FRK: variants seen among roughly 807,000 people sequenced by gnomAD.
FRK encodes the protein tyrosine-protein kinase FRK.
Under a neutral mutation model 56.4 loss-of-function variants are expected in FRK, and 51 were observed. The observed-to-expected ratio is 0.90, with a 90% CI of 0.72 to 1.14. The LOEUF (loss-of-function observed/expected upper bound fraction) is 1.14. Ranked by LOEUF, FRK falls within the 50% of genes most tolerant of loss-of-function variation. The pLI, the probability that FRK is intolerant of heterozygous loss-of-function variation, is 0.00. For missense variants in FRK, 570 were observed against 601.4 expected (o/e 0.95, Z 0.55); for synonymous variants, 245 against 217.9 (o/e 1.12, Z -1.10).
chr6:116,017,834 C>T (rs796593836), intron 1 of FRK, among the ~76,000 whole-genome samples: 3 of 152,298 alleles, frequency 2.0e-5, no homozygotes, highest in African/African-American at 7.2e-5. Context: ...AGTCATCCTG[C>T]CATAGCCCAC....
chr6:116,017,255 T>C (rs1775691594), intron 1 of FRK, among the ~76,000 whole-genome samples: 1 of 152,162 alleles, frequency 6.6e-6, no homozygotes, highest in Non-Finnish European at 1.5e-5. Context: ...TAAAGGTTTC[T>C]CTGTACACAG....
Position 115,931,395 on chromosome 6 carries a change from A to G in FRK, c.*11019T>C, listed in dbSNP as rs1173986700. ...AGTAGTTACATTTGAATCTGGGTAA[A>G]TAATAGCATTATAACAAGTGGTACA... On this transcript the variant is annotated 3_prime_UTR_variant, in exon 8 of 8. Coordinates refer to ENST00000606080, the MANE Select transcript of FRK (RefSeq NM_002031.3). 6.6e-6 allele frequency: 1 copy of G among 152,204 alleles called. No homozygotes were observed. The highest frequency in any genetic ancestry group is 2.4e-5 in the African/African-American group (1 of 41,458). The allele number at this position is 152,204 out of a possible 1,614,324, so 9.4% of individuals were successfully genotyped here.
rs9374589 is a variant in FRK, at chr6:116,022,871, T to C, written c.345-18873A>G. Among the ~76,000 whole-genome samples the C allele has an allele frequency of 3.5e-4, 54 of 152,284 alleles. No homozygotes were observed. In the East Asian group the frequency reaches 6.2e-3, roughly 17 times the overall value. The stretch of plus-strand genomic sequence containing the variant: ...CTAGAGTAGCTACAACAATGTCCTA[T>C]ATCCAATCACAGAAATAGCAGCATA... On this transcript the variant is annotated intron_variant, in intron 1 of 7. Coordinates refer to ENST00000606080, the MANE Select transcript of FRK (RefSeq NM_002031.3).
At chr6:116,032,253 A>G (rs965025635) in intron 1 of FRK, among the ~76,000 whole-genome samples, 1 of 152,134 alleles carries the variant, frequency 6.6e-6, no homozygotes. Context: ...TTGTGTAGCA[A>G]AAAAACATAA....
intron 2 of FRK, among the ~76,000 whole-genome samples, chr6:115,970,766 A>T (rs1279229106): frequency 6.6e-6 from 1 of 152,134 alleles, no homozygotes; most frequent in African/African-American, 2.4e-5. Context: ...TTTTTAAATT[A>T]GCCAGGATTG....
intron 1 of FRK, among the ~76,000 whole-genome samples, chr6:116,052,930 T>C (rs1487076787): frequency 6.6e-6 from 1 of 152,156 alleles, no homozygotes. Flanking sequence ...TAAACCTTAC[T>C]ATGTGTCAGG....
rs1280770629 is a variant in FRK, at chr6:115,941,405, A to G, written c.*1009T>C. On this transcript the variant is annotated 3_prime_UTR_variant, in exon 8 of 8. Coordinates refer to ENST00000606080, the MANE Select transcript of FRK (RefSeq NM_002031.3). ...AATGCCTAATGTAGACGACGGGTTG[A>G]TGGGTGCAGCAAACCACCATGGCAC... 2 of 152,142 alleles carry G rather than the reference A, an allele frequency of 1.3e-5. No individual in the cohort carries two copies. Among genetic ancestry groups the G allele is most frequent in the African/African-American group, 4.8e-5 (2 of 41,420 alleles). 9.4% of individuals were successfully genotyped at this position (152,142 alleles called of 1,614,324 possible).
chr6:115,942,766 C>G, intron 7 of FRK, 141 bp from the exon 8 acceptor site: 1 of 777,172 alleles, frequency 1.3e-6, no homozygotes, highest in East Asian at 2.7e-5. Flanking sequence ...ATCCCCTTCT[C>G]AGGTTACACA....
the FRK span, among the ~76,000 whole-genome samples, chr6:116,097,675 G>A: frequency 4.6e-5 from 7 of 151,920 alleles, no homozygotes; most frequent in Non-Finnish European, 1.0e-4. Context: ...CTAGAAAATC[G>A]GCTGTAATAT....
At chr6:115,976,108 T>C (rs1263876880) in intron 2 of FRK, among the ~76,000 whole-genome samples, 1 of 152,136 alleles carries the variant, frequency 6.6e-6, no homozygotes, top group Admixed American at 6.6e-5. Flanking sequence ...ATGTAATATA[T>C]AGTTGGTGAC....
intron 1 of FRK, among the ~76,000 whole-genome samples, chr6:116,028,419 C>G (rs1246993705): frequency 6.6e-6 from 1 of 152,246 alleles, no homozygotes; most frequent in African/African-American, 2.4e-5. Context: ...TCAGCTAGCA[C>G]TGCTGTAACA....
chr6:116,040,253 C>T (rs1776663272), intron 1 of FRK, among the ~76,000 whole-genome samples: 1 of 152,100 alleles, frequency 6.6e-6, no homozygotes, highest in South Asian at 2.1e-4. Context: ...GAAGGTAAAA[C>T]TACATATGTG....
Position 115,932,592 on chromosome 6 carries a change from A to C in FRK, c.*9822T>G, listed in dbSNP as rs1334581228. The C allele has an allele frequency of 6.6e-6, 1 of 152,184 alleles. No individual in the cohort carries two copies. Among genetic ancestry groups the C allele is most frequent in the Non-Finnish European group, 1.5e-5 (1 of 68,038 alleles). 9.4% of individuals were successfully genotyped at this position (152,184 alleles called of 1,614,324 possible). A position where few individuals can be genotyped will look rare whatever the true frequency, so the allele number is the denominator to read the frequency against. The stretch of plus-strand genomic sequence containing the variant: ...AATCATCACCATTCTAGCTCACATA[A>C]TGTGTCTTTTTAAAGAATCATAATG... On this transcript the variant is annotated 3_prime_UTR_variant, in exon 8 of 8. Coordinates refer to ENST00000606080, the MANE Select transcript of FRK (RefSeq NM_002031.3).
intron 1 of FRK, among the ~76,000 whole-genome samples, chr6:116,043,763 C>G (rs191900846): frequency 5.3e-4 from 80 of 152,112 alleles, no homozygotes; most frequent in Non-Finnish European, 9.4e-4. Context: ...GAGATAGAGA[C>G]ATGAAAAACC....
intron 1 of FRK, among the ~76,000 whole-genome samples, chr6:116,011,149 A>C (rs1775455095): frequency 6.6e-6 from 1 of 152,240 alleles, no homozygotes; most frequent in Non-Finnish European, 1.5e-5. Context: ...AATATCTTAA[A>C]TATTAATCAA....
intron 1 of FRK, among the ~76,000 whole-genome samples, chr6:116,056,831 TTCA>T (rs1777418211): frequency 6.6e-6 from 1 of 152,226 alleles, no homozygotes; most frequent in Admixed American, 6.5e-5. Flanking sequence ...CTAATGATTC[TTCA>T]TAAAGACAAA....
chr6:116,047,035 G>A (rs544600436), intron 1 of FRK, among the ~76,000 whole-genome samples: 134 of 150,354 alleles, frequency 8.9e-4, no homozygotes, highest in African/African-American at 2.9e-3. Flanking sequence ...ATATATATAT[G>A]TATGTATATA....
At chr6:115,959,690 G>A (rs1773247981) in intron 4 of FRK, among the ~76,000 whole-genome samples, 1 of 152,158 alleles carries the variant, frequency 6.6e-6, no homozygotes, top group South Asian at 2.1e-4. Flanking sequence ...CATTTATTAA[G>A]AACTTGCTGC....
the FRK span, among the ~76,000 whole-genome samples, chr6:116,095,836 G>C: frequency 3.3e-5 from 5 of 152,228 alleles, no homozygotes; most frequent in African/African-American, 1.2e-4. Flanking sequence ...GGACTTTGCA[G>C]CTTCTTAGGG....
Sources: allele counts gnomAD v4.1 joint callset (sites outside exome capture counted in the v4.1 genomes callset), GRCh38; gene constraint gnomAD v4.1.1; transcripts MANE v1.5; gene names NCBI Gene and HGNC (gene_info 2026-07-23, HGNC 2026-07-21).